The following ATP9B variants were observed in gnomAD, a reference collection of about 807,000 sequenced individuals.
ATP9B encodes ATPase phospholipid transporting 9B.
In ATP9B, 110 loss-of-function variants were observed where a neutral mutation model predicts 146.1. The ratio of observed to expected loss-of-function variants is 0.75; its 90% CI spans 0.65 to 0.88. ATP9B has a LOEUF of 0.88. Among genes scored for constraint, ATP9B ranks in the 40% least tolerant of loss-of-function variants. The pLI is 0.00. For synonymous variants in ATP9B, 604 were observed against 569.7 expected, an observed-to-expected ratio of 1.06 and a Z score of -0.86; for missense variants, 1,499 against 1,496.4, an observed-to-expected ratio of 1.00 and a Z score of -0.03.
intron 7 of ATP9B, among the ~76,000 whole-genome samples, chr18:79,174,727 G>A (rs1007534598): frequency 5.3e-4 from 80 of 152,046 alleles, no homozygotes; most frequent in Non-Finnish European, 2.4e-4. Flanking sequence ...ACTGGTAGGT[G>A]GATCTAAAGG....
rs1472036827 is a variant in ATP9B at position 79,327,647 on chromosome 18, A to AGTG, written c.1774-1494_1774-1493insGTG. Reference sequence around the variant, plus strand: ...GGTTAGTGTGCCCTCCCTGGTTAGCATGCTCTCCGTGTTTAGCGTGCTCTC... The same window carrying AGTG: ...GGTTAGTGTGCCCTCCCTGGTTAGCAGTGTGCTCTCCGTGTTTAGCGTGCTCTC... On this transcript the variant is annotated intron_variant, in intron 15 of 29. Transcript: ENST00000426216. Among the ~76,000 whole-genome samples, 29 of 31,300 alleles carry AGTG rather than the reference A, an allele frequency of 9.3e-4. 4 individuals carry two copies. The highest frequency in any genetic ancestry group is 4.3e-3 in the African/African-American group (29 of 6,716). The allele number at this position is 31,300 out of a possible 152,430, so 20.5% of individuals were successfully genotyped here. A position where few individuals can be genotyped will look rare whatever the true frequency, so the allele number is the denominator to read the frequency against.
At chr18:79,171,878 G>GT (rs144146479) in intron 7 of ATP9B, among the ~76,000 whole-genome samples, 32,584 of 146,566 alleles carry the variant, frequency 0.22, 4,029 homozygotes, top group East Asian at 0.51. Flanking sequence ...TCGGAGACTC[G>GT]TTTTTTTTTG....
intron 11 of ATP9B, among the ~76,000 whole-genome samples, chr18:79,237,043 A>T (rs71366513): frequency 4.5e-4 from 10 of 22,440 alleles, no homozygotes; most frequent in African/African-American, 5.8e-4. Flanking sequence ...CAGTGTCCAC[A>T]CCTGCCCCTT....
At chr18:79,340,582 CATATTTCA>C (rs1438496373) in intron 19 of ATP9B, 1 of 152,110 alleles carries the variant, frequency 6.6e-6, no homozygotes, top group Non-Finnish European at 1.5e-5. Flanking sequence ...TCCAAAAATG[CATATTTCA>C]ATATGATACA....
chr18:79,281,238 C>G (rs922126251), intron 13 of ATP9B, among the ~76,000 whole-genome samples: 1 of 151,826 alleles, frequency 6.6e-6, no homozygotes, highest in African/African-American at 2.4e-5. Flanking sequence ...GACTCACACC[C>G]GTAATCCCAG....
Position 79,372,859 on chromosome 18 carries a change from G to A in ATP9B, c.3047G>A (p.Trp1016Ter). The stretch of plus-strand genomic sequence containing the variant: ...TTGTCCTTCAAAACCTTCCTCATCT[G>A]GGTTTTAATAAGTATTTACCAAGGT... ...RSLSFKTFLI[W>*]VLISIYQGGI... Residue 1016 changes from tryptophan to a stop codon, truncating the protein, a stop_gained, in exon 27 of 30, where the codon TGG becomes TAG. Coordinates refer to ENST00000426216, the MANE Select transcript of ATP9B (RefSeq NM_198531.5). LOFTEE classifies it high-confidence loss of function. 2 of 1,611,636 alleles carry A rather than the reference G, an allele frequency of 1.2e-6. No individual in the cohort carries two copies. The highest frequency in any genetic ancestry group is 1.7e-6 in the Non-Finnish European group (2 of 1,177,766).
intron 12 of ATP9B, chr18:79,253,746 C>T (rs1435771790): frequency 4.4e-6 from 2 of 458,546 alleles, no homozygotes; most frequent in Non-Finnish European, 7.5e-6. Context: ...CTAGAGGTGC[C>T]ATACTTTCCT....
In ATP9B at chr18:79,337,266, C is replaced by T; in HGVS notation, c.2113-13C>T. ...ACACGTGTGCACACAGGCGCCTCCCCCTCTGTCCCCAGAGCCGATACACTC... is the reference window on the plus strand; with the variant it reads ...ACACGTGTGCACACAGGCGCCTCCCTCTCTGTCCCCAGAGCCGATACACTC... On this transcript the variant is annotated splice_polypyrimidine_tract_variant and intron_variant, in intron 18 of 29. Transcript: ENST00000426216. The T allele has an allele frequency of 1.2e-6, 2 of 1,613,428 alleles. No homozygotes were observed. The highest frequency in any genetic ancestry group is 1.7e-6 in the Non-Finnish European group (2 of 1,179,822).
chr18:79,361,700 T>G, intron 26 of ATP9B: 1 of 851,096 alleles, frequency 1.2e-6, no homozygotes, highest in Non-Finnish European at 1.4e-6. Flanking sequence ...TTATTGAAGC[T>G]AAAGAACTAT....
intron 7 of ATP9B, among the ~76,000 whole-genome samples, chr18:79,155,590 A>C (rs1270143113): frequency 6.6e-6 from 1 of 152,102 alleles, no homozygotes; most frequent in African/African-American, 2.4e-5. Context: ...GAAGCTAAGC[A>C]TGTTATTATT....
In ATP9B at chr18:79,099,191, A is replaced by G. The variant is rs1255329159; in HGVS notation, c.293+2542A>G. ...TGACAGGTATTATCATTAAGTTCAA[A>G]ATCTATTTCTTTTTTCTTTTCTTTT... On this transcript the variant is annotated intron_variant, in intron 2 of 29. Transcript: ENST00000426216. Among the ~76,000 whole-genome samples the G allele has an allele frequency of 2.6e-5, 4 of 152,066 alleles. No homozygotes were observed. In the East Asian group the frequency reaches 5.8e-4, roughly 22 times the overall value.
rs1468874932 is a variant in ATP9B, at chr18:79,374,293, C to T, written c.3274+192C>T. The T allele has an allele frequency of 1.5e-5, 9 of 596,822 alleles. No individual in the cohort carries two copies. In the South Asian group the frequency reaches 1.6e-4, roughly 10 times the overall value. 37.0% of individuals were successfully genotyped at this position (596,822 alleles called of 1,614,324 possible). ...CCCCGTCGGTCACTGGCTGGCCGGTCCCCTGACAGGAGGCGCTGAGCCCCG... is the reference window on the plus strand; with the variant it reads ...CCCCGTCGGTCACTGGCTGGCCGGTTCCCTGACAGGAGGCGCTGAGCCCCG... On this transcript the variant is annotated intron_variant, in intron 28 of 29. Transcript: ENST00000426216.
Position 79,270,181 on chromosome 18 carries a change from G to A in ATP9B, c.1269-6873G>A, listed in dbSNP as rs76389794. ...ATTTATTTTTAAACTAAAAGTGCTAGCCTTTAATAGGAATATTTCTTCCTT... is the reference window on the plus strand; with the variant it reads ...ATTTATTTTTAAACTAAAAGTGCTAACCTTTAATAGGAATATTTCTTCCTT... On this transcript the variant is annotated intron_variant, in intron 12 of 29. Coordinates refer to ENST00000426216, the MANE Select transcript of ATP9B (RefSeq NM_198531.5). Among the ~76,000 whole-genome samples, 1,407 of 152,262 alleles carry A rather than the reference G, an allele frequency of 9.2e-3. 4 individuals carry two copies. The highest frequency in any genetic ancestry group is 0.016 in the Non-Finnish European group (1,095 of 68,022).
intron 19 of ATP9B, chr18:79,340,182 CT>C (rs2096850870): frequency 6.6e-6 from 1 of 152,158 alleles, no homozygotes; most frequent in Non-Finnish European, 1.5e-5. Flanking sequence ...TTTATATGTG[CT>C]AGATTATTAG....
At chr18:79,197,507 TTCAGAGG>T (rs2095427717) in intron 9 of ATP9B, among the ~76,000 whole-genome samples, 1 of 152,096 alleles carries the variant, frequency 6.6e-6, no homozygotes, top group South Asian at 2.1e-4. Flanking sequence ...GGGTGGGGAT[TTCAGAGG>T]CCAGGTAATA....
At chr18:79,101,530 A>T (rs941435288) in intron 2 of ATP9B, among the ~76,000 whole-genome samples, 4 of 152,162 alleles carry the variant, frequency 2.6e-5, no homozygotes, top group African/African-American at 9.6e-5. Flanking sequence ...AGAAGTTTTC[A>T]TTTCTCTGGA....
At chr18:79,103,161 A>G (rs1042566370) in intron 2 of ATP9B, among the ~76,000 whole-genome samples, 1 of 152,014 alleles carries the variant, frequency 6.6e-6, no homozygotes, top group African/African-American at 2.4e-5. Flanking sequence ...GGTCACCGTC[A>G]CCTTGTTCTT....
At chr18:79,268,940 T>A (rs754256278) in intron 12 of ATP9B, among the ~76,000 whole-genome samples, 3 of 152,240 alleles carry the variant, frequency 2.0e-5, no homozygotes, top group African/African-American at 2.4e-5. Context: ...CTTTTAAGAC[T>A]TCACTTCTTT....
chr18:79,243,862 C>A (rs2095913450), intron 11 of ATP9B, among the ~76,000 whole-genome samples: 1 of 152,136 alleles, frequency 6.6e-6, no homozygotes, highest in Admixed American at 6.5e-5. Context: ...TAGTAAATTC[C>A]CTTGCACAAA....
Sources: allele counts gnomAD v4.1 joint callset (sites outside exome capture counted in the v4.1 genomes callset), GRCh38; gene constraint gnomAD v4.1.1; transcripts MANE v1.5; gene names NCBI Gene and HGNC (gene_info 2026-07-23, HGNC 2026-07-21).